Variants in KAZN observed in about 807,000 individuals in gnomAD.
KAZN encodes the protein kazrin.
KAZN carries 40 observed loss-of-function variants against 87.4 expected under a neutral mutation model. The observed-to-expected ratio is 0.46, with a 90% CI of 0.36 to 0.60. The LOEUF is 0.60. Ranked by LOEUF, KAZN falls within the 20% of genes least tolerant of loss-of-function variation. The pLI, the probability that KAZN is intolerant of heterozygous loss-of-function variation, is 0.00. For synonymous variants in KAZN, 466 were observed against 458.3 expected (o/e 1.02, Z -0.22); for missense variants, 898 against 1,073.9 (o/e 0.84, Z 2.29).
chr1:14,843,713 T>A (rs1648311901), intron 1 of KAZN, among the ~76,000 whole-genome samples: 1 of 152,228 alleles, frequency 6.6e-6, no homozygotes, highest in Non-Finnish European at 1.5e-5. Context: ...CGCCCCACCC[T>A]CATCCCACTA....
chr1:14,281,075 T>C (rs1238990349), intron 2 of KAZN, among the ~76,000 whole-genome samples: 2 of 152,186 alleles, frequency 1.3e-5, no homozygotes, highest in Admixed American at 1.3e-4. Context: ...TTGGAACCAG[T>C]TTCACTGGAT....
intron 1 of KAZN, among the ~76,000 whole-genome samples, chr1:14,155,823 T>C (rs1332762885): frequency 1.3e-5 from 2 of 152,268 alleles, no homozygotes; most frequent in East Asian, 1.9e-4. Context: ...TTAATTTTTG[T>C]ATTTTTAGTA....
chr1:14,410,709 A>G (rs1282281466), intron 2 of KAZN, among the ~76,000 whole-genome samples: 1 of 152,238 alleles, frequency 6.6e-6, no homozygotes, highest in Non-Finnish European at 1.5e-5. Flanking sequence ...ATACAGACAC[A>G]CACAGAAGAG....
intron 8 of KAZN, among the ~76,000 whole-genome samples, chr1:15,093,335 G>A (rs189125055): frequency 8.5e-5 from 13 of 152,248 alleles, no homozygotes; most frequent in Admixed American, 5.2e-4. Context: ...AGGTGGTGTC[G>A]ATCTAGAAGA....
chr1:14,574,542 A>G (rs777774518), intron 2 of KAZN, among the ~76,000 whole-genome samples: 1 of 152,140 alleles, frequency 6.6e-6, no homozygotes, highest in Middle Eastern at 3.2e-3. Flanking sequence ...GTCTGCCGCC[A>G]TGTAAGACAT....
chr1:14,542,715 A>G (rs1376020210), intron 2 of KAZN, among the ~76,000 whole-genome samples: 1 of 152,188 alleles, frequency 6.6e-6, no homozygotes, highest in Non-Finnish European at 1.5e-5. Context: ...ACTAGTCCAC[A>G]GTATCTATTG....
At chr1:15,023,613 GC>G (rs1038320308) in intron 2 of KAZN, among the ~76,000 whole-genome samples, 1 of 152,124 alleles carries the variant, frequency 6.6e-6, no homozygotes, top group African/African-American at 2.4e-5. Context: ...AGGACTTTGC[GC>G]TCCCCCTTGA....
chr1:14,729,627 T>G (rs892792528), intron 1 of KAZN, among the ~76,000 whole-genome samples: 1 of 152,154 alleles, frequency 6.6e-6, no homozygotes, highest in Non-Finnish European at 1.5e-5. Context: ...AGCGTTCACT[T>G]TTAGAATCAG....
At chr1:14,318,886 A>G (rs1655840318) in intron 2 of KAZN, among the ~76,000 whole-genome samples, 2 of 151,934 alleles carry the variant, frequency 1.3e-5, no homozygotes, top group South Asian at 4.1e-4. Flanking sequence ...TATCTCCAAT[A>G]TATTTTATCA....
chr1:14,959,588 C>G (rs980462483), intron 1 of KAZN, among the ~76,000 whole-genome samples: 1 of 152,164 alleles, frequency 6.6e-6, no homozygotes, highest in Non-Finnish European at 1.5e-5. Context: ...GTACCTTTGT[C>G]TGTTTATTCT....
chr1:14,906,038 A>G (rs1433944383), intron 1 of KAZN, among the ~76,000 whole-genome samples: 24 of 148,392 alleles, frequency 1.6e-4, no homozygotes, highest in South Asian at 4.3e-4. Flanking sequence ...ATGGTGGCAC[A>G]TGCCTGTAAT....
intron 4 of KAZN, among the ~76,000 whole-genome samples, chr1:15,054,767 C>T (rs548888760): frequency 9.2e-5 from 14 of 152,346 alleles, no homozygotes; most frequent in African/African-American, 3.1e-4. Flanking sequence ...CCCAGATATT[C>T]TAAGGGGAGA....
intron 2 of KAZN, among the ~76,000 whole-genome samples, chr1:14,346,363 C>T (rs549393788): frequency 1.3e-5 from 2 of 152,152 alleles, no homozygotes; most frequent in Admixed American, 1.3e-4. Flanking sequence ...GATGATGACT[C>T]ATAGCTGGGG....
At chr1:14,679,644 A>G (rs970608919) in intron 1 of KAZN, among the ~76,000 whole-genome samples, 1 of 152,188 alleles carries the variant, frequency 6.6e-6, no homozygotes, top group African/African-American at 2.4e-5. Context: ...CAGGTGCCTT[A>G]CGTGTTTGTA....
intron 1 of KAZN, among the ~76,000 whole-genome samples, chr1:13,947,842 T>C (rs1641204552): frequency 2.0e-5 from 3 of 152,182 alleles, no homozygotes; most frequent in South Asian, 4.1e-4. Context: ...ACACCAGTCA[T>C]GTTGGATCAG....
At chr1:14,287,890 G>T (rs1013483237) in intron 2 of KAZN, among the ~76,000 whole-genome samples, 2 of 152,146 alleles carry the variant, frequency 1.3e-5, no homozygotes, top group Admixed American at 1.3e-4. Context: ...CAGCATGAAG[G>T]GCTGTTGAAT....
chr1:14,598,068 C>G (rs150194275), upstream of KAZN, among the ~76,000 whole-genome samples: 1 of 152,354 alleles, frequency 6.6e-6, no homozygotes, highest in East Asian at 1.9e-4. The surrounding 1 kb of genome is among the most constrained non-coding windows in gnomAD (Gnocchi z 4.2). Context: ...CTGGCTAAGG[C>G]TGCTCCTCCA....
intron 2 of KAZN, among the ~76,000 whole-genome samples, chr1:14,420,218 A>G (rs1665294872): frequency 6.6e-6 from 1 of 151,972 alleles, no homozygotes; most frequent in African/African-American, 2.4e-5. Context: ...CTAGACACAG[A>G]GTGCTGATTG....
intron 2 of KAZN, among the ~76,000 whole-genome samples, chr1:14,259,650 T>G (rs1650856157): frequency 6.6e-6 from 1 of 152,206 alleles, no homozygotes; most frequent in Non-Finnish European, 1.5e-5. Context: ...GAGATGCTAG[T>G]AACCCCGGAC....
Sources: allele counts gnomAD v4.1 joint callset (sites outside exome capture counted in the v4.1 genomes callset), GRCh38; gene constraint gnomAD v4.1.1; non-coding constraint Gnocchi (gnomAD v3.1); transcripts MANE v1.5; gene names NCBI Gene and HGNC (gene_info 2026-07-23, HGNC 2026-07-21).